Variants in BST1 observed in about 807,000 individuals in gnomAD.
BST1 encodes the protein ADP-ribosyl cyclase/cyclic ADP-ribose hydrolase 2.
Under a neutral mutation model 40.6 loss-of-function variants are expected in BST1, and 49 were observed. That is an observed-to-expected ratio of 1.21 (90% CI 0.96 to 1.53). BST1 has a LOEUF of 1.53. Among genes scored for constraint, BST1 ranks in the 40% most tolerant of loss-of-function variants. The pLI is 0.00. For synonymous variants in BST1, 157 were observed against 159.3 expected (o/e 0.99, Z 0.11); for missense variants, 423 against 395.9 (o/e 1.07, Z -0.58).
the BST1 span, among the ~76,000 whole-genome samples, chr4:15,745,884 C>G: frequency 6.6e-6 from 1 of 152,130 alleles, no homozygotes; most frequent in East Asian, 1.9e-4. Flanking sequence ...CTTATGATTA[C>G]TAATTTTAGT....
chr4:15,760,537 G>A, the BST1 span, among the ~76,000 whole-genome samples: 1 of 151,580 alleles, frequency 6.6e-6, no homozygotes, highest in African/African-American at 2.4e-5. Flanking sequence ...ATTTTTGTCT[G>A]GTTTGTTCAT....
At chr4:15,769,818 T>C in the BST1 span, among the ~76,000 whole-genome samples, 1 of 152,098 alleles carries the variant, frequency 6.6e-6, no homozygotes, top group Non-Finnish European at 1.5e-5. Flanking sequence ...TCTTCTTTGC[T>C]CTATTTCCAC....
the BST1 span, among the ~76,000 whole-genome samples, chr4:15,744,671 CT>C: frequency 6.6e-6 from 1 of 152,186 alleles, no homozygotes; most frequent in Non-Finnish European, 1.5e-5. Context: ...AAGATGGACA[CT>C]GTAATCGTGA....
intron 6 of BST1, among the ~76,000 whole-genome samples, chr4:15,716,549 TC>T (rs1371884417): frequency 6.6e-6 from 1 of 152,146 alleles, no homozygotes; most frequent in Non-Finnish European, 1.5e-5. Flanking sequence ...TTCAGTGAAT[TC>T]CCTGTGTCCG....
chr4:15,753,062 A>ATT, the BST1 span, among the ~76,000 whole-genome samples: 77 of 149,652 alleles, frequency 5.1e-4, no homozygotes, highest in African/African-American at 1.9e-3. Flanking sequence ...ACTAAGAAAT[A>ATT]TAAATATAAA....
chr4:15,772,795 C>A, the BST1 span, among the ~76,000 whole-genome samples: 2 of 152,152 alleles, frequency 1.3e-5, no homozygotes, highest in African/African-American at 4.8e-5. Flanking sequence ...GAGGGCATGG[C>A]ATCTGTGAAG....
At chr4:15,741,329 T>C (rs910293020), downstream of BST1, among the ~76,000 whole-genome samples, 1 of 152,064 alleles carries the variant, frequency 6.6e-6, no homozygotes, top group Non-Finnish European at 1.5e-5. Flanking sequence ...GGCCCGAGAA[T>C]TCTGTGCTCC....
chr4:15,706,796 C>T (rs190846670), intron 2 of BST1, among the ~76,000 whole-genome samples: 10 of 152,234 alleles, frequency 6.6e-5, no homozygotes, highest in Admixed American at 2.0e-4. Flanking sequence ...TTCATAGATT[C>T]GGTGCTAGTT....
chr4:15,719,028 G>A (rs758887306), intron 7 of BST1, 35 bp downstream of exon 7: 52 of 1,588,102 alleles, frequency 3.3e-5, no homozygotes, highest in Non-Finnish European at 3.7e-5. Flanking sequence ...CTCTTGTAGA[G>A]GTGGTGTATG....
At chr4:15,755,190 G>A in the BST1 span, among the ~76,000 whole-genome samples, 2 of 152,094 alleles carry the variant, frequency 1.3e-5, no homozygotes, top group East Asian at 3.8e-4. Flanking sequence ...CCAGGCTGGA[G>A]TGCAGTAGTG....
chr4:15,723,449 C>T (rs972888799), intron 8 of BST1: 4 of 540,562 alleles, frequency 7.4e-6, no homozygotes, highest in Middle Eastern at 9.1e-4. Flanking sequence ...GGGGTTTCAC[C>T]GTGTTAGCCA....
At chr4:15,767,899 G>C in the BST1 span, among the ~76,000 whole-genome samples, 7 of 152,204 alleles carry the variant, frequency 4.6e-5, no homozygotes, top group African/African-American at 1.7e-4. Context: ...GAGATTACAG[G>C]CATAAGCCAC....
chr4:15,733,225 G>A (rs1278964380), downstream of BST1, among the ~76,000 whole-genome samples: 2 of 152,206 alleles, frequency 1.3e-5, no homozygotes, highest in South Asian at 4.1e-4. Flanking sequence ...ACAGAGTGCT[G>A]ATTGATGCAT....
chr4:15,754,404 A>G, the BST1 span, among the ~76,000 whole-genome samples: 1 of 152,174 alleles, frequency 6.6e-6, no homozygotes. Context: ...TGTTCTCTGA[A>G]GCATGCACAT....
At chr4:15,726,143 T>G (rs1193224188) in intron 8 of BST1, among the ~76,000 whole-genome samples, 2 of 147,662 alleles carry the variant, frequency 1.4e-5, no homozygotes, top group Non-Finnish European at 3.0e-5. Context: ...AAAGTTTTTT[T>G]TTTTTTTTTT....
exon 7 of BST1, chr4:15,738,114 T>C (rs186659684): frequency 2.8e-4 from 62 of 223,962 alleles, no homozygotes; most frequent in Non-Finnish European, 5.4e-4. Flanking sequence ...CTACAGAGGC[T>C]GGGTGACCAT....
At chr4:15,713,795 C>T (rs1376500979) in intron 4 of BST1, among the ~76,000 whole-genome samples, 1 of 151,916 alleles carries the variant, frequency 6.6e-6, no homozygotes, top group African/African-American at 2.4e-5. Context: ...CCTCCACCTC[C>T]TAGGTTCAAG....
At chr4:15,705,679 T>G in intron 2 of BST1, 38 bp downstream of exon 2, 1 of 1,609,708 alleles carries the variant, frequency 6.2e-7, no homozygotes. Flanking sequence ...CTGTGTTCTC[T>G]GTCTCTACAG....
chr4:15,737,086 G>A (rs893884550), downstream of BST1, among the ~76,000 whole-genome samples: 4 of 152,182 alleles, frequency 2.6e-5, no homozygotes, highest in East Asian at 1.9e-4. Context: ...CTGCATCACC[G>A]TGTGTGTAAG....
Sources: gnomAD v4.1 joint callset for allele counts (sites outside exome capture counted in the v4.1 genomes callset) on GRCh38, gnomAD v4.1.1 for gene constraint, MANE v1.5 for transcripts, NCBI Gene and HGNC (gene_info 2026-07-23, HGNC 2026-07-21) for gene names.